Variants in NEMF observed in about 807,000 individuals in gnomAD.
The protein encoded by NEMF is nuclear export mediator factor.
In NEMF, 89 loss-of-function variants were observed where a neutral mutation model predicts 162.2. The ratio of observed to expected loss-of-function variants is 0.55; its 90% confidence interval spans 0.46 to 0.65. The LOEUF is 0.65. Among genes scored for constraint, NEMF ranks in the 30% least tolerant of loss-of-function variants. The pLI, the probability that NEMF is intolerant of heterozygous loss-of-function variation, is 0.00. For synonymous variants in NEMF, 421 were observed against 404.5 expected, an observed-to-expected ratio of 1.04 and a Z score of -0.49; for missense variants, 1,133 against 1,261.9, an observed-to-expected ratio of 0.90 and a Z score of 1.55.
rs1469531808 is a variant in NEMF at position 49,786,698 on chromosome 14, A to G, written c.2928+20T>C. 6 of 1,605,878 alleles carry G rather than the reference A, an allele frequency of 3.7e-6. No individual in the cohort carries two copies. In the South Asian group the frequency reaches 6.6e-5, roughly 18 times the overall value. ...TTGTAATCACAGTGTTGTAGTAGGA[A>G]CCCCAACATAAAATCATACCTCATT... On this transcript the variant is annotated intron_variant, in intron 29 of 32. Transcript: ENST00000298310.
Position 49,782,664 on chromosome 14 carries a change from A to T in NEMF, c.*1972T>A. 2 of 1,401,206 alleles carry T rather than the reference A, an allele frequency of 1.4e-6. No homozygotes were observed. The highest frequency in any genetic ancestry group is 2.5e-4 in the Middle Eastern group (1 of 4,004). 86.8% of individuals were successfully genotyped at this position (1,401,206 alleles called of 1,614,324 possible). On this transcript the variant is annotated 3_prime_UTR_variant, in exon 33 of 33. Transcript: ENST00000298310. ...TTCCTAAGACTTAGCACTCTCGAAA[A>T]ACTAGGTTTATGGATTATTTAAGGG... is the stretch of plus-strand genomic sequence containing the variant.
At chr14:49,852,059 C>G (rs1727238804) in intron 1 of NEMF, among the ~76,000 whole-genome samples, 184 bp from the exon 2 acceptor site, 1 of 152,146 alleles carries the variant, frequency 6.6e-6, no homozygotes, top group Non-Finnish European at 1.5e-5. Flanking sequence ...GATTTAAAAA[C>G]AGAAGTGGTC....
chr14:49,795,759 C>T, intron 26 of NEMF, 32 bp downstream of exon 26: 1 of 1,572,578 alleles, frequency 6.4e-7, no homozygotes, highest in South Asian at 1.2e-5. Context: ...CACAAATTAA[C>T]TGTGAACCAT....
chr14:49,842,218 G>A (rs975522916), intron 4 of NEMF, among the ~76,000 whole-genome samples: 2 of 15,778 alleles, frequency 1.3e-4, no homozygotes, highest in Admixed American at 1.4e-3. Context: ...CAACAAAATA[G>A]TAGAAAGAGG....
At chr14:49,846,550 C>T (rs548017646) in intron 3 of NEMF, among the ~76,000 whole-genome samples, 2 of 152,308 alleles carry the variant, frequency 1.3e-5, no homozygotes, top group South Asian at 2.1e-4. Context: ...GCTGCAGCCT[C>T]GACTTCCCTG....
rs1392182469 is a variant in NEMF at position 49,800,597 on chromosome 14, T to C, written c.2195A>G (p.Gln732Arg). 3 of 1,613,886 alleles carry C rather than the reference T, an allele frequency of 1.9e-6. No individual in the cohort carries two copies. The highest frequency in any genetic ancestry group is 2.5e-6 in the Non-Finnish European group (3 of 1,179,932). ...CTCATTTAGTTCATCTCTGCCACTC[T>C]GAAGAGTGATATCCTCTTGGTCAAC... is the stretch of plus-strand genomic sequence containing the variant. ...TQVDQEDITL[Q>R]SGRDELNEEL... Residue 732 changes from glutamine (Q) to arginine (R), a missense_variant, in exon 23 of 33, where the codon CAG becomes CGG. Coordinates refer to ENST00000298310, the MANE Select transcript of NEMF (RefSeq NM_004713.6).
At chr14:49,794,988 G>C (rs1890625384) in intron 26 of NEMF, among the ~76,000 whole-genome samples, 1 of 152,032 alleles carries the variant, frequency 6.6e-6, no homozygotes, top group Non-Finnish European at 1.5e-5. Context: ...AAAGTGCTGA[G>C]ATTACACGCA....
At chr14:49,796,394 T>C (rs1044776882) in intron 25 of NEMF, 4 of 423,024 alleles carry the variant, frequency 9.5e-6, no homozygotes, top group Non-Finnish European at 1.9e-5. Flanking sequence ...GTATTCTTCT[T>C]TCTGTTCCCA....
chr14:49,815,446 A>C (rs556466745), intron 16 of NEMF, among the ~76,000 whole-genome samples: 1 of 152,222 alleles, frequency 6.6e-6, no homozygotes, highest in South Asian at 2.1e-4. Flanking sequence ...AATGACATGC[A>C]AGACAGATGA....
Position 49,783,229 on chromosome 14 carries a change from G to GTATC in NEMF, c.*1403_*1406dup, listed in dbSNP as rs1889996298. Reference sequence around the variant, plus strand: ...TTTCTTTTCAGTAACTTCAGGATATGTATCTGTAGAAACATTATAGTCTTA... The same window carrying GTATC: ...TTTCTTTTCAGTAACTTCAGGATATGTATCTATCTGTAGAAACATTATAGTCTTA... On this transcript the variant is annotated 3_prime_UTR_variant, in exon 33 of 33. Transcript: ENST00000298310. 6 of 257,660 alleles carry GTATC rather than the reference G, an allele frequency of 2.3e-5. No individual in the cohort carries two copies. In the South Asian group the frequency reaches 4.9e-4, roughly 21 times the overall value. The allele number at this position is 257,660 out of a possible 1,614,324, so 16.0% of individuals were successfully genotyped here.
chr14:49,815,323 C>G (rs184042363), intron 16 of NEMF, among the ~76,000 whole-genome samples: 8 of 152,140 alleles, frequency 5.3e-5, no homozygotes, highest in Admixed American at 5.2e-4. Flanking sequence ...CAAAAATTGT[C>G]CTTAGGAGGA....
At chr14:49,813,779 A>T (rs952862879) in intron 18 of NEMF, among the ~76,000 whole-genome samples, 1 of 151,580 alleles carries the variant, frequency 6.6e-6, no homozygotes, top group Non-Finnish European at 1.5e-5. Flanking sequence ...TTTTAAAAAA[A>T]TTTTTCTAGA....
chr14:49,814,524 G>A (rs567453997), intron 17 of NEMF, among the ~76,000 whole-genome samples: 1 of 152,304 alleles, frequency 6.6e-6, no homozygotes, highest in South Asian at 2.1e-4. Flanking sequence ...GTAATGTACT[G>A]AAAGTCCAAC....
At chr14:49,825,566 C>A (rs1428004674) in intron 16 of NEMF, among the ~76,000 whole-genome samples, 2 of 152,028 alleles carry the variant, frequency 1.3e-5, no homozygotes, top group East Asian at 3.9e-4. Context: ...TGAGACCCTG[C>A]CTCTACAAAA....
At chr14:49,813,659 T>C (rs936468689) in intron 18 of NEMF, among the ~76,000 whole-genome samples, 4 of 79,946 alleles carry the variant, frequency 5.0e-5, no homozygotes, top group Non-Finnish European at 9.4e-5. Context: ...TCTTTTTTTA[T>C]TAGGTGTGTG....
chr14:49,845,576 T>C (rs1311393014), intron 4 of NEMF, among the ~76,000 whole-genome samples: 1 of 152,246 alleles, frequency 6.6e-6, no homozygotes, highest in Non-Finnish European at 1.5e-5. Context: ...AGCTGTACAA[T>C]ACTTTCTTTC....
chr14:49,798,528 ACTCTTGTTTATATCAATTAGCCCATGG>A (rs1890795727), intron 25 of NEMF, among the ~76,000 whole-genome samples: 2 of 152,244 alleles, frequency 1.3e-5, no homozygotes, highest in Admixed American at 1.3e-4. Flanking sequence ...GAGGAACTTA[ACTCTTGTTTATATCAATTAGCCCATGG>A]CAAAACTGGT....
At chr14:49,816,550 G>A (rs902821582) in intron 16 of NEMF, among the ~76,000 whole-genome samples, 2 of 152,154 alleles carry the variant, frequency 1.3e-5, no homozygotes, top group African/African-American at 2.4e-5. Context: ...CTACGGATAC[G>A]TGATGTCACC....
At chr14:49,812,203 A>G (rs1266498826) in intron 18 of NEMF, among the ~76,000 whole-genome samples, 4 of 152,160 alleles carry the variant, frequency 2.6e-5, no homozygotes, top group African/African-American at 7.2e-5. Context: ...CTGTTGGTAT[A>G]TAATTGTTCA....
Sources: allele counts gnomAD v4.1 joint callset (sites outside exome capture counted in the v4.1 genomes callset), GRCh38; gene constraint gnomAD v4.1.1; transcripts MANE v1.5; gene names NCBI Gene and HGNC (gene_info 2026-07-23, HGNC 2026-07-21).